KCNH1: variants seen among roughly 807,000 people sequenced by gnomAD.
KCNH1 encodes voltage-gated delayed rectifier potassium channel KCNH1.
Under a neutral mutation model 69.2 loss-of-function variants are expected in KCNH1, and 27 were observed. That is an observed-to-expected ratio of 0.39 (90% CI 0.29 to 0.54). The LOEUF (loss-of-function observed/expected upper bound fraction) is 0.54. KCNH1 is among the 20% of genes least tolerant of loss of function. The pLI is 0.68. For missense variants in KCNH1, 798 were observed against 1,261.6 expected (o/e 0.63, Z 5.57); for synonymous variants, 456 against 487.7 (o/e 0.93, Z 0.86).
At position 210,714,459 on chromosome 1, in the gene KCNH1, A is replaced by G. The variant is rs989578940; in HGVS notation, c.2113-30321T>C. Among the ~76,000 whole-genome samples, 6 of 152,148 alleles carry G rather than the reference A, an allele frequency of 3.9e-5. 1 individual carries two copies. The highest frequency in any genetic ancestry group is 1.3e-4 in the Admixed American group (2 of 15,268). On this transcript the variant is annotated intron_variant, in intron 10 of 10. Coordinates refer to ENST00000271751, the MANE Select transcript of KCNH1 (RefSeq NM_172362.3). ...CTTATTCATCACGCAACTTTAGGCA[A>G]GTTGTTAACCTAAAATTCAGTGTCC... is the stretch of plus-strand genomic sequence containing the variant.
intron 7 of KCNH1, among the ~76,000 whole-genome samples, chr1:210,810,275 T>C (rs778438560): frequency 1.3e-5 from 2 of 152,200 alleles, no homozygotes; most frequent in Non-Finnish European, 2.9e-5. Flanking sequence ...TCAGAACCAG[T>C]AGGATCCCTT....
intron 6 of KCNH1, among the ~76,000 whole-genome samples, chr1:210,983,437 T>A (rs1418736268): frequency 6.6e-6 from 1 of 152,236 alleles, no homozygotes; most frequent in Non-Finnish European, 1.5e-5. Context: ...CATCTTGAAT[T>A]AATTTTTGTG....
intron 6 of KCNH1, among the ~76,000 whole-genome samples, chr1:211,015,515 C>T (rs905348616): frequency 6.6e-6 from 1 of 152,194 alleles, no homozygotes; most frequent in Non-Finnish European, 1.5e-5. Context: ...TTCCCACCCC[C>T]CACCTTGTTT....
chr1:210,853,946 C>CAAAAAAAAAAAAAAAACAAAAAAAAAAAA, intron 7 of KCNH1, among the ~76,000 whole-genome samples: 1 of 61,530 alleles, frequency 1.6e-5, no homozygotes, highest in Non-Finnish European at 2.7e-5. Flanking sequence ...TTATCTAAGC[C>CAAAAAAAAAAAAAAAACAAAAAAAAAAAA]AAAAAAAAAA....
At chr1:211,022,756 A>C (rs1267161196) in intron 5 of KCNH1, among the ~76,000 whole-genome samples, 1 of 152,164 alleles carries the variant, frequency 6.6e-6, no homozygotes, top group African/African-American at 2.4e-5. Context: ...GGAAAATGCA[A>C]ATCAAAATGC....
chr1:211,110,259 A>C (rs1691434271), intron 1 of KCNH1, among the ~76,000 whole-genome samples: 1 of 152,196 alleles, frequency 6.6e-6, no homozygotes, highest in South Asian at 2.1e-4. Context: ...AAATGAGGGA[A>C]TAAAGCAAAA....
Position 210,683,062 on chromosome 1 carries a change from C to T in KCNH1, c.*219G>A, listed in dbSNP as rs1057368913. ...CCCTTCTTCCAAAATTGTGCAAAGACGGTTCAGATGCAGCTGCCACCTTGC... is the reference window on the plus strand; with the variant it reads ...CCCTTCTTCCAAAATTGTGCAAAGATGGTTCAGATGCAGCTGCCACCTTGC... On this transcript the variant is annotated 3_prime_UTR_variant, in exon 11 of 11. Transcript: ENST00000271751. The surrounding 1 kb of genome is among the most constrained non-coding windows in gnomAD (Gnocchi z 5.7). The T allele has an allele frequency of 7.2e-5, 43 of 597,718 alleles. No homozygotes were observed. The highest frequency in any genetic ancestry group is 1.8e-4 in the African/African-American group (10 of 54,740). The allele number at this position is 597,718 out of a possible 1,614,324, so 37.0% of individuals were successfully genotyped here.
intron 7 of KCNH1, among the ~76,000 whole-genome samples, chr1:210,823,180 C>T (rs948422925): frequency 2.0e-5 from 3 of 152,118 alleles, no homozygotes; most frequent in African/African-American, 7.2e-5. Context: ...TACCAGGCAG[C>T]CAATTACTTC....
intron 10 of KCNH1, among the ~76,000 whole-genome samples, chr1:210,715,519 A>AAC (rs1553337331): frequency 4.6e-4 from 54 of 117,448 alleles, no homozygotes; most frequent in African/African-American, 1.6e-3. Flanking sequence ...AAATTAAACA[A>AAC]AAAAAAAAAA....
chr1:210,710,810 A>T (rs566381409), intron 10 of KCNH1, among the ~76,000 whole-genome samples: 1 of 152,270 alleles, frequency 6.6e-6, no homozygotes, highest in South Asian at 2.1e-4. Context: ...CAACAGTCGC[A>T]ACCTTGTGAC....
At chr1:210,952,713 G>T (rs1688087086) in intron 6 of KCNH1, among the ~76,000 whole-genome samples, 1 of 151,926 alleles carries the variant, frequency 6.6e-6, no homozygotes, top group Non-Finnish European at 1.5e-5. Flanking sequence ...ACATAAACCT[G>T]CCAAGTGTTC....
At chr1:210,918,997 G>A (rs1255837067) in intron 7 of KCNH1, 3 of 149,626 alleles carry the variant, frequency 2.0e-5, no homozygotes, top group Non-Finnish European at 4.4e-5. Context: ...TAGACTATAT[G>A]CCAAGCTACA....
chr1:211,111,081 AT>A (rs1339663062), intron 1 of KCNH1, among the ~76,000 whole-genome samples: 1 of 152,172 alleles, frequency 6.6e-6, no homozygotes, highest in Non-Finnish European at 1.5e-5. Context: ...CTTAATTTTA[AT>A]TAATTTAATC....
chr1:210,874,054 A>C (rs1686312614), intron 7 of KCNH1, among the ~76,000 whole-genome samples: 1 of 152,166 alleles, frequency 6.6e-6, no homozygotes, highest in Admixed American at 6.5e-5. Context: ...ATGAAGCACA[A>C]AGAAAAGTCT....
intron 7 of KCNH1, among the ~76,000 whole-genome samples, chr1:210,882,096 A>G (rs1451327282): frequency 3.3e-5 from 5 of 152,210 alleles, no homozygotes; most frequent in Non-Finnish European, 2.9e-5. Flanking sequence ...GGTGGGGGAT[A>G]TTGATAATGG....
intron 9 of KCNH1, among the ~76,000 whole-genome samples, chr1:210,792,165 G>A (rs1255820125): frequency 6.6e-6 from 1 of 152,044 alleles, no homozygotes; most frequent in East Asian, 1.9e-4. Context: ...ACTTCCCAGA[G>A]GTTCTCCCTC....
rs893453940 is a variant in KCNH1 at position 210,775,277 on chromosome 1, C to G, written c.2112+71G>C. 1.1e-4 allele frequency: 153 copies of G among 1,342,212 alleles called. 1 individual carries two copies. In the South Asian group the frequency reaches 1.9e-3, roughly 17 times the overall value. 83.1% of individuals were successfully genotyped at this position (1,342,212 alleles called of 1,614,324 possible). A position where few individuals can be genotyped will look rare whatever the true frequency, so the allele number is the denominator to read the frequency against. On this transcript the variant is annotated intron_variant, in intron 10 of 10. Coordinates refer to ENST00000271751, the MANE Select transcript of KCNH1 (RefSeq NM_172362.3). Reference sequence around the variant, plus strand: ...TTAAATAAACAGCAAAGGGACTTTTCTGGTCACAGTGATTATCCAAAGTGT... The same window carrying G: ...TTAAATAAACAGCAAAGGGACTTTTGTGGTCACAGTGATTATCCAAAGTGT...
At chr1:210,790,616 A>G (rs369259505) in intron 9 of KCNH1, among the ~76,000 whole-genome samples, 13 of 152,374 alleles carry the variant, frequency 8.5e-5, no homozygotes, top group South Asian at 6.2e-4. Flanking sequence ...GGTAAAATTT[A>G]TACTAGAAAC....
Position 210,745,244 on chromosome 1 carries a change from A to G in KCNH1, c.2112+30104T>C, listed in dbSNP as rs558052317. On this transcript the variant is annotated intron_variant, in intron 10 of 10. Coordinates refer to ENST00000271751, the MANE Select transcript of KCNH1 (RefSeq NM_172362.3). ...AAATTGTTTAAGTGCTATGAAGAAA[A>G]AAAAATGCCATGAGTAAAAGCCAAT... Among the ~76,000 whole-genome samples, 22 of 121,982 alleles carry G rather than the reference A, an allele frequency of 1.8e-4. 1 individual carries two copies. In the South Asian group the frequency reaches 6.5e-3, roughly 36 times the overall value. The allele number at this position is 121,982 out of a possible 152,430, so 80.0% of individuals were successfully genotyped here. A position where few individuals can be genotyped will look rare whatever the true frequency, so the allele number is the denominator to read the frequency against.
Sources: allele counts gnomAD v4.1 joint callset (sites outside exome capture counted in the v4.1 genomes callset), GRCh38; gene constraint gnomAD v4.1.1; non-coding constraint Gnocchi (gnomAD v3.1); transcripts MANE v1.5; gene names NCBI Gene and HGNC (gene_info 2026-07-23, HGNC 2026-07-21).